The following PCDHGA10 variants were observed in gnomAD, a reference collection of about 807,000 sequenced individuals.
PCDHGA10 encodes protocadherin gamma-A10.
Under a neutral mutation model 59.5 loss-of-function variants are expected in PCDHGA10, and 42 were observed. That is an observed-to-expected ratio of 0.71 (90% CI 0.55 to 0.91). The LOEUF is 0.91. PCDHGA10 is among the 40% of genes least tolerant of loss of function. The probability of loss-of-function intolerance (pLI) is 0.00; values close to 1 mark genes in which losing one functional copy is unlikely to be tolerated. For synonymous variants in PCDHGA10, 511 were observed against 517.2 expected, an observed-to-expected ratio of 0.99 and a Z score of 0.16; for missense variants, 1,111 against 1,198.2, an observed-to-expected ratio of 0.93 and a Z score of 1.07.
In PCDHGA10 at chr5:141,419,061, A is replaced by G. The variant is rs747692559; in HGVS notation, c.2436+3450A>G. 5.0e-6 allele frequency: 8 copies of G among 1,613,964 alleles called. No homozygotes were observed. In the Admixed American group the frequency reaches 1.3e-4, roughly 27 times the overall value. ...AAGATTCATTCTTCTTCTAATAATT[A>G]CTACAAGCTAGTAACAGATGAGGCC... On this transcript the variant is annotated intron_variant, in intron 1 of 3. Transcript: ENST00000398610.
intron 1 of PCDHGA10, among the ~76,000 whole-genome samples, chr5:141,455,291 A>G (rs1212745731): frequency 6.6e-6 from 1 of 152,072 alleles, no homozygotes; most frequent in Non-Finnish European, 1.5e-5. Flanking sequence ...CACTTTACAT[A>G]GTTTCATCTT....
chr5:141,450,179 A>G (rs1472867634), intron 1 of PCDHGA10, among the ~76,000 whole-genome samples: 1 of 151,100 alleles, frequency 6.6e-6, no homozygotes, highest in African/African-American at 2.4e-5. Flanking sequence ...CACCACACCC[A>G]GCTAATTTTT....
chr5:141,492,425 C>T (rs1243599547), intron 1 of PCDHGA10, among the ~76,000 whole-genome samples: 1 of 152,254 alleles, frequency 6.6e-6, no homozygotes, highest in Non-Finnish European at 1.5e-5. Flanking sequence ...CTCCGCCGGG[C>T]TCAGGAGTAC....
chr5:141,509,572 G>T (rs955898202), intron 3 of PCDHGA10, among the ~76,000 whole-genome samples: 24 of 152,300 alleles, frequency 1.6e-4, no homozygotes, highest in Middle Eastern at 3.4e-3. Context: ...CCTTCACAGT[G>T]CGTACAAATC....
Position 141,477,856 on chromosome 5 carries a change from G to T in PCDHGA10, c.2437-16951G>T, listed in dbSNP as rs773703641. ...CAGGTGGGAGCTCGGTGGAGATGCTGCCTCGAGGTACCTCAGCTGGCCACC... is the reference window on the plus strand; with the variant it reads ...CAGGTGGGAGCTCGGTGGAGATGCTTCCTCGAGGTACCTCAGCTGGCCACC... On this transcript the variant is annotated intron_variant, in intron 1 of 3. Coordinates refer to ENST00000398610, the MANE Select transcript of PCDHGA10 (RefSeq NM_018913.3). This position sits in a 1 kb window ranked among gnomAD's most constrained non-coding sequence, Gnocchi z 4.9. 1 of 1,613,474 alleles carries T rather than the reference G, an allele frequency of 6.2e-7. No homozygotes were observed. Among genetic ancestry groups the T allele is most frequent in the Non-Finnish European group, 8.5e-7 (1 of 1,179,854 alleles).
rs747811019 is a variant in PCDHGA10 at position 141,490,069 on chromosome 5, C to T, written c.2437-4738C>T. 6 of 1,614,150 alleles carry T rather than the reference C, an allele frequency of 3.7e-6. No homozygotes were observed. Among genetic ancestry groups the T allele is most frequent in the Non-Finnish European group, 5.1e-6 (6 of 1,180,044 alleles). ...TCCAGACGAGGGCACCAACGGCCAA[C>T]TAGACTATTCTTTTGGAGACCACAC... On this transcript the variant is annotated intron_variant, in intron 1 of 3. Transcript: ENST00000398610. This position sits in a 1 kb window ranked among gnomAD's most constrained non-coding sequence, Gnocchi z 5.4.
At position 141,485,291 on chromosome 5, in the gene PCDHGA10, C is replaced by A. The variant is rs114678203; in HGVS notation, c.2437-9516C>A. 436 of 1,614,150 alleles carry A rather than the reference C, an allele frequency of 2.7e-4. No homozygotes were observed. Among genetic ancestry groups the A allele is most frequent in the Middle Eastern group, 8.2e-4 (5 of 6,062 alleles). Reference sequence around the variant, plus strand: ...CCGCTACCCGGTCCCAGAGGAGTCACAGGAAGGGACTTTTGTAGGGAATGT... The same window carrying A: ...CCGCTACCCGGTCCCAGAGGAGTCAAAGGAAGGGACTTTTGTAGGGAATGT... On this transcript the variant is annotated intron_variant, in intron 1 of 3. Coordinates refer to ENST00000398610, the MANE Select transcript of PCDHGA10 (RefSeq NM_018913.3). The surrounding 1 kb of genome is among the most constrained non-coding windows in gnomAD (Gnocchi z 5.7).
intron 1 of PCDHGA10, chr5:141,478,592 TC>T: frequency 6.4e-7 from 1 of 1,570,334 alleles, no homozygotes; most frequent in Non-Finnish European, 8.6e-7. Flanking sequence ...GCTTTTTTAT[TC>T]CTACATCATA....
chr5:141,501,852 A>G (rs922276780), intron 2 of PCDHGA10, among the ~76,000 whole-genome samples: 2 of 151,924 alleles, frequency 1.3e-5, no homozygotes, highest in African/African-American at 4.8e-5. Context: ...TCAACCTTCA[A>G]CCATTTCCCA....
At position 141,494,852 on chromosome 5, in the gene PCDHGA10, C is replaced by T. The variant is rs755464933; in HGVS notation, c.2482C>T (p.Pro828Ser). ...TDWRFSQAQR[P>S]GTSGSQNGDD... is the part of the protein sequence containing the mutation. Reference sequence around the variant, plus strand: ...CTGGCGTTTCTCTCAGGCCCAGAGACCCGGCACCAGCGGGTAGGTGACTGA... The same window carrying T: ...CTGGCGTTTCTCTCAGGCCCAGAGATCCGGCACCAGCGGGTAGGTGACTGA... The change falls in exon 2 of 4, where the codon CCC (proline) becomes TCC (serine). Residue 828 changes from proline (P) to serine (S), a missense_variant. Coordinates refer to ENST00000398610, the MANE Select transcript of PCDHGA10 (RefSeq NM_018913.3). 6 of 1,614,042 alleles carry T rather than the reference C, an allele frequency of 3.7e-6. No homozygotes were observed. Among genetic ancestry groups the T allele is most frequent in the Admixed American group, 1.7e-5 (1 of 60,000 alleles).
chr5:141,483,764 A>G (rs1170910094), intron 1 of PCDHGA10, among the ~76,000 whole-genome samples: 1 of 152,104 alleles, frequency 6.6e-6, no homozygotes, highest in East Asian at 1.9e-4. Context: ...AGGCTTGGAA[A>G]AATATTGGGG....
chr5:141,413,762 C>A lies in PCDHGA10; in HGVS notation c.587C>A (p.Pro196Gln). 2 of 1,612,894 alleles carry A rather than the reference C, an allele frequency of 1.2e-6. No individual in the cohort carries two copies. The highest frequency in any genetic ancestry group is 8.5e-7 in the Non-Finnish European group (1 of 1,179,870). Residue 196 changes from proline to glutamine, a missense_variant, in exon 1 of 4, where the codon CCG (proline) becomes CAG (glutamine). Physicochemically the swap from Pro to Gln is moderately conservative, Grantham distance 76. Transcript: ENST00000398610. Reference sequence around the variant, plus strand: ...AGCCGTGCCAATGGCGTCAAGTACCCGGAGCTGGTACTGGAGCACTCCCTA... The same window carrying A: ...AGCCGTGCCAATGGCGTCAAGTACCAGGAGCTGGTACTGGAGCACTCCCTA... ...VQSRANGVKY[P>Q]ELVLEHSLDR...
chr5:141,477,184 C>T lies in PCDHGA10; in HGVS notation c.2437-17623C>T. On this transcript the variant is annotated intron_variant, in intron 1 of 3. Coordinates refer to ENST00000398610, the MANE Select transcript of PCDHGA10 (RefSeq NM_018913.3). The surrounding 1 kb of genome is among the most constrained non-coding windows in gnomAD (Gnocchi z 4.9). ...ACGCCCCGGAGATCACAGTCACCTC[C>T]GTGTACAGCCCAGTACCCGAGGATG... The T allele has an allele frequency of 3.7e-6, 6 of 1,614,178 alleles. No individual in the cohort carries two copies. Among genetic ancestry groups the T allele is most frequent in the Non-Finnish European group, 5.1e-6 (6 of 1,180,032 alleles).
At position 141,511,397 on chromosome 5, in the gene PCDHGA10, C is replaced by A; in HGVS notation, c.*224C>A. ...AGCAGTTCCGCTGGGAACCCCCATC[C>A]AATCAACTGCTGTACCCATGGGGGT... On this transcript the variant is annotated 3_prime_UTR_variant, in exon 4 of 4. Coordinates refer to ENST00000398610, the MANE Select transcript of PCDHGA10 (RefSeq NM_018913.3). 1.0e-6 allele frequency: 1 copy of A among 1,002,376 alleles called. No individual in the cohort carries two copies. The highest frequency in any genetic ancestry group is 1.4e-6 in the Non-Finnish European group (1 of 705,546). 62.1% of individuals were successfully genotyped at this position (1,002,376 alleles called of 1,614,324 possible). A position where few individuals can be genotyped will look rare whatever the true frequency, so the allele number is the denominator to read the frequency against.
intron 1 of PCDHGA10, chr5:141,423,883 A>T (rs1211746978): frequency 1.6e-6 from 2 of 1,283,342 alleles, no homozygotes; most frequent in Admixed American, 7.5e-5. Context: ...CAATCTTGGC[A>T]TATTTTCTTT....
chr5:141,430,485 G>T (rs926788879), intron 1 of PCDHGA10: 2 of 252,972 alleles, frequency 7.9e-6, no homozygotes, highest in Non-Finnish European at 7.4e-6. Flanking sequence ...ATATAAAAAC[G>T]AAATATCCTT....
chr5:141,478,116 C>T (rs145816520), intron 1 of PCDHGA10: 1 of 1,613,974 alleles, frequency 6.2e-7, no homozygotes, highest in Non-Finnish European at 8.5e-7. Flanking sequence ...GTGTCAGTAA[C>T]CGAGGACTCT....
chr5:141,452,678 C>T (rs1311364057), intron 1 of PCDHGA10, among the ~76,000 whole-genome samples: 1 of 150,100 alleles, frequency 6.7e-6, no homozygotes, highest in African/African-American at 2.5e-5. Flanking sequence ...GCCTAGGCCA[C>T]AGAATGAAAC....
chr5:141,491,152 G>A lies in PCDHGA10; in HGVS notation c.2437-3655G>A. 1 of 1,614,168 alleles carries A rather than the reference G, an allele frequency of 6.2e-7. No homozygotes were observed. The highest frequency in any genetic ancestry group is 8.5e-7 in the Non-Finnish European group (1 of 1,179,990). On this transcript the variant is annotated intron_variant, in intron 1 of 3. Transcript: ENST00000398610. The surrounding 1 kb of genome is among the most constrained non-coding windows in gnomAD (Gnocchi z 6.9). ...CACAGCCCGGGCCTTACTGGAGGAT[G>A]ACTCTGACACCCAGCAGGTGGTGGT...
Sources: allele counts gnomAD v4.1 joint callset (sites outside exome capture counted in the v4.1 genomes callset), GRCh38; gene constraint gnomAD v4.1.1; non-coding constraint Gnocchi (gnomAD v3.1); transcripts MANE v1.5; gene names NCBI Gene and HGNC (gene_info 2026-07-23, HGNC 2026-07-21).